KIFAP3: variants seen among roughly 807,000 people sequenced by gnomAD.
KIFAP3 encodes kinesin associated protein 3.
A neutral mutation model predicts 106.5 loss-of-function variants in KIFAP3; 68 were observed. That is an observed-to-expected ratio of 0.64 (90% CI 0.53 to 0.78). KIFAP3 has a LOEUF of 0.78. Ranked by LOEUF, KIFAP3 falls within the 30% of genes least tolerant of loss-of-function variation. The pLI is 0.00. For synonymous variants in KIFAP3, 320 were observed against 311.5 expected (o/e 1.03, Z -0.29); for missense variants, 780 against 941.8 (o/e 0.83, Z 2.25).
chr1:170,035,769 C>T (rs1452663795), intron 5 of KIFAP3, among the ~76,000 whole-genome samples: 2 of 151,938 alleles, frequency 1.3e-5, no homozygotes, highest in Non-Finnish European at 2.9e-5. Flanking sequence ...ATATACTATA[C>T]ACAGAAGTAA....
At chr1:169,970,105 T>G (rs1445989773) in intron 17 of KIFAP3, among the ~76,000 whole-genome samples, 1 of 152,036 alleles carries the variant, frequency 6.6e-6, no homozygotes, top group Non-Finnish European at 1.5e-5. Flanking sequence ...CCCTTCATGA[T>G]TCCCATGATT....
intron 1 of KIFAP3, among the ~76,000 whole-genome samples, chr1:170,066,713 T>G (rs1423220989): frequency 6.6e-6 from 1 of 152,128 alleles, no homozygotes; most frequent in Non-Finnish European, 1.5e-5. Context: ...CAAACAACAG[T>G]GGCTCTGGTA....
chr1:170,066,964 T>C (rs1239644154), intron 1 of KIFAP3, among the ~76,000 whole-genome samples: 4 of 152,170 alleles, frequency 2.6e-5, no homozygotes, highest in Non-Finnish European at 4.4e-5. Context: ...TTTATATTCC[T>C]ATATATGATA....
chr1:170,060,175 G>T (rs951780836), intron 1 of KIFAP3, among the ~76,000 whole-genome samples: 1 of 151,946 alleles, frequency 6.6e-6, no homozygotes. Context: ...AGGGCAATCA[G>T]GAAGGAGAAA....
intron 19 of KIFAP3, among the ~76,000 whole-genome samples, chr1:169,938,863 G>C (rs1330339728): frequency 2.0e-5 from 3 of 152,168 alleles, no homozygotes; most frequent in Non-Finnish European, 4.4e-5. Flanking sequence ...TTCCAGTTAA[G>C]CACAAAGGTG....
At chr1:169,944,558 T>TAA (rs1456820060) in intron 19 of KIFAP3, among the ~76,000 whole-genome samples, 1 of 152,124 alleles carries the variant, frequency 6.6e-6, no homozygotes, top group African/African-American at 2.4e-5. Context: ...TTACAGCTCT[T>TAA]TGAGTCCTGC....
chr1:169,961,412 A>G (rs899561901), intron 17 of KIFAP3, among the ~76,000 whole-genome samples, 177 bp from the exon 18 acceptor site: 1 of 152,172 alleles, frequency 6.6e-6, no homozygotes, highest in Non-Finnish European at 1.5e-5. Context: ...TACATACATA[A>G]AGAAGTCTGT....
chr1:170,057,174 A>C (rs902400194), intron 1 of KIFAP3, among the ~76,000 whole-genome samples: 1 of 152,126 alleles, frequency 6.6e-6, no homozygotes, highest in Non-Finnish European at 1.5e-5. Flanking sequence ...GGAAGAAAAG[A>C]GTAAGGATAT....
At chr1:169,995,041 C>A (rs187262769) in intron 10 of KIFAP3, among the ~76,000 whole-genome samples, 74 of 152,090 alleles carry the variant, frequency 4.9e-4, no homozygotes, top group Middle Eastern at 6.8e-3. Context: ...GAGAAAAGTG[C>A]AGACAAATAA....
chr1:170,077,785 C>T (rs1343483773), upstream of KIFAP3, among the ~76,000 whole-genome samples: 4 of 152,036 alleles, frequency 2.6e-5, no homozygotes, highest in Admixed American at 6.6e-5. Flanking sequence ...TTTTCCAGAA[C>T]GTCATCTGAA....
intron 19 of KIFAP3, among the ~76,000 whole-genome samples, chr1:169,945,132 G>A (rs1434465710): frequency 1.7e-5 from 1 of 58,710 alleles, no homozygotes; most frequent in Non-Finnish European, 3.1e-5. Flanking sequence ...AGAGGGGGCT[G>A]AGGCAGTGGG....
At chr1:169,933,443 T>A (rs546197916) in intron 19 of KIFAP3, among the ~76,000 whole-genome samples, 1 of 152,176 alleles carries the variant, frequency 6.6e-6, no homozygotes, top group Admixed American at 6.5e-5. Context: ...GTTTCTTTTT[T>A]AAAAAAGGTA....
chr1:169,992,042 G>C (rs920993961), intron 11 of KIFAP3, 113 bp downstream of exon 11: 120 of 434,892 alleles, frequency 2.8e-4, no homozygotes, highest in Non-Finnish European at 4.0e-4. Flanking sequence ...TAAATTTGTA[G>C]TATTATTAAG....
chr1:170,020,978 T>A (rs759522489), intron 9 of KIFAP3, among the ~76,000 whole-genome samples: 38 of 152,052 alleles, frequency 2.5e-4, no homozygotes, highest in Non-Finnish European at 4.3e-4. Flanking sequence ...GTCCACTAAA[T>A]TTTTTTTATA....
chr1:169,992,124 A>G, intron 11 of KIFAP3, 31 bp downstream of exon 11: 2 of 1,054,524 alleles, frequency 1.9e-6, no homozygotes, highest in Non-Finnish European at 1.3e-6. Flanking sequence ...TATTTGTTAA[A>G]TGTTTTTCAT....
At chr1:169,945,943 T>C (rs537933485) in intron 19 of KIFAP3, among the ~76,000 whole-genome samples, 2 of 152,312 alleles carry the variant, frequency 1.3e-5, no homozygotes, top group Admixed American at 6.5e-5. Flanking sequence ...CCTTGGGAAA[T>C]GCAAATCATT....
At chr1:170,075,374 A>T (rs1236820418), upstream of KIFAP3, among the ~76,000 whole-genome samples, 1 of 152,202 alleles carries the variant, frequency 6.6e-6, no homozygotes, top group Non-Finnish European at 1.5e-5. Context: ...ATGTGAATTG[A>T]GGGCTGGCTG....
At chr1:169,934,625 T>A (rs1042316953) in intron 19 of KIFAP3, among the ~76,000 whole-genome samples, 3 of 152,166 alleles carry the variant, frequency 2.0e-5, no homozygotes, top group African/African-American at 7.2e-5. Flanking sequence ...TTCTGCGATG[T>A]GTGTTGTCTT....
intron 14 of KIFAP3, 96 bp downstream of exon 14, chr1:169,982,606 C>T (rs950813790): frequency 1.1e-4 from 90 of 785,590 alleles, no homozygotes; most frequent in Non-Finnish European, 1.6e-4. Context: ...CTTTTCCTAA[C>T]ATAATAATAG....
Sources: gnomAD v4.1 joint callset for allele counts (sites outside exome capture counted in the v4.1 genomes callset) on GRCh38, gnomAD v4.1.1 for gene constraint, MANE v1.5 for transcripts, NCBI Gene and HGNC (gene_info 2026-07-23, HGNC 2026-07-21) for gene names.